The following SCN8A variants were observed in gnomAD, a reference collection of about 807,000 sequenced individuals.
SCN8A encodes the protein sodium channel protein type 8 subunit alpha.
Under a neutral mutation model 184.1 loss-of-function variants are expected in SCN8A, and 30 were observed. The observed-to-expected ratio is 0.16, with a 90% CI of 0.12 to 0.22. SCN8A has a LOEUF of 0.22. Ranked by LOEUF, SCN8A falls within the 10% of genes least tolerant of loss-of-function variation. SCN8A has a pLI of 1.00. For missense variants in SCN8A, 1,057 were observed against 2,498.9 expected, an observed-to-expected ratio of 0.42 and a Z score of 12.30; for synonymous variants, 852 against 907.0, an observed-to-expected ratio of 0.94 and a Z score of 1.09.
At position 51,790,381 on chromosome 12, in the gene SCN8A, C is replaced by T. The variant is rs2138911443; in HGVS notation, c.4420-17C>T. On this transcript the variant is annotated splice_polypyrimidine_tract_variant and intron_variant, in intron 24 of 26. Coordinates refer to ENST00000627620, the MANE Select transcript of SCN8A (RefSeq NM_001330260.2). ...AGAGCCAGTTGTAATTGTCTGTTTT[C>T]TTCTTCCCTCCTTTACTTCGGAGGT... The T allele has an allele frequency of 1.9e-6, 3 of 1,579,178 alleles. No homozygotes were observed. Among genetic ancestry groups the T allele is most frequent in the Non-Finnish European group, 2.6e-6 (3 of 1,154,350 alleles).
chr12:51,741,648 C>T (rs1187494063), intron 12 of SCN8A, among the ~76,000 whole-genome samples: 3 of 152,086 alleles, frequency 2.0e-5, no homozygotes, highest in Admixed American at 6.5e-5. Flanking sequence ...TTTTTCAATT[C>T]GAGGCTACCA....
At chr12:51,789,161 GGGCT>G in intron 23 of SCN8A, 116 bp from the exon 24 acceptor site, 1 of 1,058,424 alleles carries the variant, frequency 9.4e-7, no homozygotes, top group South Asian at 1.5e-5. Context: ...AAAGAATCTA[GGGCT>G]CTCCCACCCC....
intron 1 of SCN8A, among the ~76,000 whole-genome samples, chr12:51,624,572 C>T (rs527262755): frequency 2.0e-5 from 3 of 151,868 alleles, no homozygotes; most frequent in Non-Finnish European, 4.4e-5. Flanking sequence ...TGCCTGTTCA[C>T]TCTGATGGTA....
At position 51,617,308 on chromosome 12, in the gene SCN8A, T is replaced by C. The variant is rs540566093; in HGVS notation, c.-55+25949T>C. On this transcript the variant is annotated intron_variant, in intron 1 of 26. Transcript: ENST00000627620. ...TTTTTTCCTTCGTTTCTAATTTTTT[T>C]CTCTCTCTCTTGTTCAGCTTGGATA... Among the ~76,000 whole-genome samples, 3 of 152,258 alleles carry C rather than the reference T, an allele frequency of 2.0e-5. No homozygotes were observed. The South Asian group carries it at 6.2e-4, about 32-fold the overall frequency.
chr12:51,646,421 GTT>G (rs1940591375), intron 1 of SCN8A, among the ~76,000 whole-genome samples: 1 of 152,202 alleles, frequency 6.6e-6, no homozygotes, highest in South Asian at 2.1e-4. Flanking sequence ...GACTTACAGT[GTT>G]TCAGTATTGG....
At chr12:51,739,671 G>A (rs1393524684) in intron 12 of SCN8A, among the ~76,000 whole-genome samples, 2 of 152,108 alleles carry the variant, frequency 1.3e-5, no homozygotes, top group African/African-American at 2.4e-5. Flanking sequence ...AAGAGTACTC[G>A]GGTGTCCTCC....
At chr12:51,730,640 T>C (rs924157893) in intron 12 of SCN8A, among the ~76,000 whole-genome samples, 1 of 152,184 alleles carries the variant, frequency 6.6e-6, no homozygotes, top group Non-Finnish European at 1.5e-5. Context: ...CATGCAATGC[T>C]TAATGATCAC....
chr12:51,688,626 G>A (rs1200754665), intron 5 of SCN8A: 16 of 657,666 alleles, frequency 2.4e-5, no homozygotes, highest in Non-Finnish European at 2.7e-6. Context: ...TTAAATGTTT[G>A]TATTTTGAAG....
intron 23 of SCN8A, 45 bp from the exon 24 acceptor site, chr12:51,789,236 C>T (rs754498488): frequency 6.8e-6 from 11 of 1,609,598 alleles, no homozygotes; most frequent in Middle Eastern, 1.6e-4. Flanking sequence ...TGTCAAACTC[C>T]AAACTAGGAG....
At position 51,812,664 on chromosome 12, in the gene SCN8A, C is replaced by T. The variant is rs1442386632; in HGVS notation, c.*5235C>T. The T allele has an allele frequency of 6.6e-6, 1 of 152,162 alleles. No individual in the cohort carries two copies. Among genetic ancestry groups the T allele is most frequent in the Non-Finnish European group, 1.5e-5 (1 of 68,044 alleles). The allele number at this position is 152,162 out of a possible 1,614,324, so 9.4% of individuals were successfully genotyped here. On this transcript the variant is annotated 3_prime_UTR_variant, in exon 27 of 27. Transcript: ENST00000627620. ...TGTGATTATTCAAGACAATTTTTTC[C>T]CCTTGCTGTATCTCCTTCCCTCACC... is the stretch of plus-strand genomic sequence containing the variant.
At chr12:51,700,500 C>T (rs1214368290) in intron 7 of SCN8A, among the ~76,000 whole-genome samples, 1 of 152,170 alleles carries the variant, frequency 6.6e-6, no homozygotes, top group Non-Finnish European at 1.5e-5. Context: ...ATCAGGTGAT[C>T]TTTAAGGCAC....
chr12:51,770,816 T>TA (rs1189049297), intron 19 of SCN8A, 133 bp downstream of exon 19: 2 of 892,150 alleles, frequency 2.2e-6, no homozygotes, highest in African/African-American at 1.7e-5. Flanking sequence ...AATGATCTGT[T>TA]AAAGTGCTTT....
intron 12 of SCN8A, among the ~76,000 whole-genome samples, chr12:51,734,620 A>G (rs1258707458): frequency 6.6e-6 from 1 of 152,210 alleles, no homozygotes; most frequent in Non-Finnish European, 1.5e-5. Context: ...TGTGAGGGCC[A>G]TCATGAACAT....
chr12:51,623,875 T>A (rs1416890278), intron 1 of SCN8A, among the ~76,000 whole-genome samples: 1 of 152,180 alleles, frequency 6.6e-6, no homozygotes, highest in Non-Finnish European at 1.5e-5. Flanking sequence ...TTTGGTTTTT[T>A]GTCCTTGTGA....
intron 12 of SCN8A, among the ~76,000 whole-genome samples, chr12:51,740,136 C>T (rs905692931): frequency 6.6e-6 from 1 of 152,240 alleles, no homozygotes; most frequent in African/African-American, 2.4e-5. Context: ...GTTCCTTGCC[C>T]TCATTCCCGT....
chr12:51,712,184 CAG>C (rs1941889561), intron 11 of SCN8A, among the ~76,000 whole-genome samples: 1 of 152,154 alleles, frequency 6.6e-6, no homozygotes, highest in Non-Finnish European at 1.5e-5. Context: ...AAGGCTACAA[CAG>C]ATAAAAAACC....
intron 1 of SCN8A, among the ~76,000 whole-genome samples, chr12:51,645,342 G>T (rs1051733970): frequency 3.3e-5 from 5 of 150,856 alleles, no homozygotes; most frequent in Non-Finnish European, 7.4e-5. Flanking sequence ...GGGGGGTTCA[G>T]CCCCCCGTCT....
intron 18 of SCN8A, chr12:51,770,232 T>G: frequency 1.7e-6 from 1 of 588,388 alleles, no homozygotes. Context: ...AAATTTCCAT[T>G]AGAATGTCCT....
At position 51,757,384 on chromosome 12, in the gene SCN8A, G is replaced by A. The variant is rs1055100678; in HGVS notation, c.2371-5119G>A. ...AAATTGAACTTGATTAACTTTGGGC[G>A]AGGATCTACTGCAGAACAGGAGCTG... is the stretch of plus-strand genomic sequence containing the variant. On this transcript the variant is annotated intron_variant, in intron 14 of 26. Transcript: ENST00000627620. 2.6e-5 allele frequency among the ~76,000 whole-genome samples: 4 copies of A among 152,010 alleles called. No homozygotes were observed. In the East Asian group the frequency reaches 5.8e-4, roughly 22 times the overall value.
Sources: allele counts gnomAD v4.1 joint callset (sites outside exome capture counted in the v4.1 genomes callset), GRCh38; gene constraint gnomAD v4.1.1; transcripts MANE v1.5; gene names NCBI Gene and HGNC (gene_info 2026-07-23, HGNC 2026-07-21).